The following CCDC88A variants were observed in gnomAD, a reference collection of about 807,000 sequenced individuals.
The protein encoded by CCDC88A is coiled-coil and HOOK domain protein 88A, also known as girdin.
Under a neutral mutation model 234.3 loss-of-function variants are expected in CCDC88A, and 54 were observed. The observed-to-expected ratio is 0.23, with a 90% CI of 0.19 to 0.29. The LOEUF (loss-of-function observed/expected upper bound fraction) is 0.29. CCDC88A is among the 10% of genes least tolerant of loss of function. The pLI, the probability that CCDC88A is intolerant of heterozygous loss-of-function variation, is 1.00. For synonymous variants in CCDC88A, 753 were observed against 737.8 expected (o/e 1.02, Z -0.33); for missense variants, 1,832 against 2,123.4 (o/e 0.86, Z 2.70).
At chr2:55,358,486 T>C (rs1036557386) in intron 7 of CCDC88A, among the ~76,000 whole-genome samples, 3 of 152,178 alleles carry the variant, frequency 2.0e-5, no homozygotes, top group African/African-American at 7.2e-5. Flanking sequence ...ACTGCCCATC[T>C]ATCCTTTTAT....
intron 17 of CCDC88A, among the ~76,000 whole-genome samples, chr2:55,324,860 C>T (rs1160067925): frequency 6.6e-6 from 1 of 152,016 alleles, no homozygotes; most frequent in African/African-American, 2.4e-5. Flanking sequence ...TGGCCAGGCT[C>T]GTCTTGAACT....
At chr2:55,382,942 ATGG>A (rs1674828362) in intron 3 of CCDC88A, among the ~76,000 whole-genome samples, 1 of 152,166 alleles carries the variant, frequency 6.6e-6, no homozygotes, top group Non-Finnish European at 1.5e-5. Flanking sequence ...AAATAGGGAC[ATGG>A]TATGTCCTAT....
At position 55,303,526 on chromosome 2, in the gene CCDC88A, C is replaced by T. The variant is rs184504626; in HGVS notation, c.4388-374G>A. Among the ~76,000 whole-genome samples, 3 of 152,058 alleles carry T rather than the reference C, an allele frequency of 2.0e-5. 1 individual carries two copies. The highest frequency in any genetic ancestry group is 4.8e-5 in the African/African-American group (2 of 41,476). On this transcript the variant is annotated intron_variant, in intron 25 of 32. Transcript: ENST00000436346. ...CCTCCCTAGTAGCTGGAATTACAGG[C>T]ATGTGCCAACATGCCTGGCTAATTT...
Position 55,339,540 on chromosome 2 carries a change from G to T in CCDC88A, c.1442C>A (p.Thr481Asn). ...ATTGCCTTCTACAGAATCCACAGTA[G>T]TCCGAAGCTCTTCTACGGTTTTTGT... ...SLTKTVEELR[T>N]TVDSVEGNAS... is the part of the protein sequence containing the mutation. Residue 481 changes from threonine to asparagine, a missense_variant, in exon 13 of 33, where the codon ACT becomes AAT. Around this residue, in one of 6 missense-constraint regions of CCDC88A, gnomAD observed 1,282 missense variants for 1,543.6 expected, o/e 0.83. Transcript: ENST00000436346. The T allele has an allele frequency of 6.2e-7, 1 of 1,613,630 alleles. No homozygotes were observed. The highest frequency in any genetic ancestry group is 8.5e-7 in the Non-Finnish European group (1 of 1,179,808).
chr2:55,321,601 A>T (rs556809706), intron 18 of CCDC88A, among the ~76,000 whole-genome samples: 1 of 152,176 alleles, frequency 6.6e-6, no homozygotes, highest in Non-Finnish European at 1.5e-5. Flanking sequence ...GATTTATTTA[A>T]GTAAATTATG....
At chr2:55,381,339 C>G (rs1260854941) in intron 3 of CCDC88A, among the ~76,000 whole-genome samples, 1 of 151,956 alleles carries the variant, frequency 6.6e-6, no homozygotes, top group Non-Finnish European at 1.5e-5. Flanking sequence ...ATCGCTTGAG[C>G]TCAGGAGTTT....
At chr2:55,319,565 C>T (rs144471252) in intron 18 of CCDC88A, among the ~76,000 whole-genome samples, 2,483 of 152,150 alleles carry the variant, frequency 0.016, 43 homozygotes, top group South Asian at 0.084. Context: ...ACAGACCTAA[C>T]GCAGATATTT....
Position 55,317,538 on chromosome 2 carries a change from C to T in CCDC88A, c.3602+26G>A. The T allele has an allele frequency of 6.8e-7, 1 of 1,464,310 alleles. No individual in the cohort carries two copies. Among genetic ancestry groups the T allele is most frequent in the Non-Finnish European group, 9.1e-7 (1 of 1,095,726 alleles). 90.7% of individuals were successfully genotyped at this position (1,464,310 alleles called of 1,614,324 possible). ...TTGAAGAAAATTCATTTTAAATTCA[C>T]AGTACAACAAAATATAATAAATTAC... On this transcript the variant is annotated intron_variant, in intron 20 of 32. Transcript: ENST00000436346. The surrounding 1 kb of genome is among the most constrained non-coding windows in gnomAD (Gnocchi z 4.2).
At position 55,376,624 on chromosome 2, in the gene CCDC88A, C is replaced by T. The variant is rs143579447; in HGVS notation, c.274-1741G>A. 6.5e-3 allele frequency among the ~76,000 whole-genome samples: 985 copies of T among 152,192 alleles called. 6 individuals carry two copies. Among genetic ancestry groups the T allele is most frequent in the Non-Finnish European group, 9.3e-3 (634 of 68,008 alleles). ...TTTAAAAAACTATTGCCAAAATATG[C>T]CTGCATTTAAAGAAAAGTACATACT... On this transcript the variant is annotated intron_variant, in intron 3 of 32. Transcript: ENST00000436346.
chr2:55,301,127 T>A (rs1680848383), intron 28 of CCDC88A, 79 bp downstream of exon 28: 7 of 808,512 alleles, frequency 8.7e-6, no homozygotes, highest in Non-Finnish European at 1.0e-5. Flanking sequence ...AATGACGCAT[T>A]CACCTATTAA....
chr2:55,301,223 G>A lies in CCDC88A; in HGVS notation c.4727C>T (p.Thr1576Met), dbSNP rs201398037. Reference sequence around the variant, plus strand: ...TATCTTACCATGAACTCTTGATCCCGTACTAGAATCATCACTAACACCTTG... The same window carrying A: ...TATCTTACCATGAACTCTTGATCCCATACTAGAATCATCACTAACACCTTG... ...SPQGVSDDSSTGSRVHASRPA... is the reference protein window; with the variant it reads ...SPQGVSDDSSMGSRVHASRPA... The change falls in exon 28 of 33, where the codon ACG (threonine) becomes ATG (methionine). Residue 1576 changes from threonine to methionine, a missense_variant. Thr to Met is a moderately conservative substitution (Grantham distance 81). Transcript: ENST00000436346. 9 of 1,591,276 alleles carry A rather than the reference G, an allele frequency of 5.7e-6. No individual in the cohort carries two copies. The highest frequency in any genetic ancestry group is 2.7e-5 in the African/African-American group (2 of 74,152).
intron 13 of CCDC88A, chr2:55,337,396 C>CA (rs1371080127): frequency 6.6e-6 from 1 of 151,940 alleles, no homozygotes; most frequent in Non-Finnish European, 1.5e-5. Flanking sequence ...TTAATATGTA[C>CA]AAAATAGCAA....
intron 16 of CCDC88A, among the ~76,000 whole-genome samples, chr2:55,330,792 T>C (rs2576717): frequency 6.6e-6 from 1 of 151,906 alleles, no homozygotes; most frequent in Non-Finnish European, 1.5e-5. Flanking sequence ...TCACTTCCTA[T>C]CCTGTCTCTG....
chr2:55,403,251 A>G (rs1679014856), intron 2 of CCDC88A: 1 of 152,342 alleles, frequency 6.6e-6, no homozygotes, highest in African/African-American at 2.4e-5. Context: ...TGGTGTTCCA[A>G]AAAACAGAGA....
chr2:55,409,130 T>C (rs1415115028), intron 2 of CCDC88A, among the ~76,000 whole-genome samples: 1 of 152,234 alleles, frequency 6.6e-6, no homozygotes, highest in East Asian at 1.9e-4. Context: ...CAACCCTGCA[T>C]GACAATACTT....
At chr2:55,347,639 C>T (rs13407643) in intron 9 of CCDC88A, among the ~76,000 whole-genome samples, 2,785 of 70,034 alleles carry the variant, frequency 0.04, 124 homozygotes, top group African/African-American at 0.14. Context: ...GACAGAGTCT[C>T]ACTCTGTCAC....
chr2:55,342,489 C>T (rs1358349275), intron 12 of CCDC88A, among the ~76,000 whole-genome samples: 4 of 152,148 alleles, frequency 2.6e-5, no homozygotes, highest in Admixed American at 2.6e-4. Flanking sequence ...TTTGTCCCCA[C>T]TTAACAAGTA....
At chr2:55,409,674 C>T (rs547334457) in intron 2 of CCDC88A, among the ~76,000 whole-genome samples, 11 of 151,726 alleles carry the variant, frequency 7.2e-5, no homozygotes, top group Admixed American at 3.3e-4. Flanking sequence ...CGGCCCTCCT[C>T]GGCCCACATG....
intron 31 of CCDC88A, chr2:55,293,459 C>G (rs963777622): frequency 6.6e-6 from 1 of 150,904 alleles, no homozygotes; most frequent in African/African-American, 2.4e-5. Flanking sequence ...TGACAATCCT[C>G]TGATTGTGTT....
Sources: allele counts gnomAD v4.1 joint callset (sites outside exome capture counted in the v4.1 genomes callset), GRCh38; gene constraint gnomAD v4.1.1; regional missense constraint gnomAD v4.1.1; non-coding constraint Gnocchi (gnomAD v3.1); transcripts MANE v1.5; gene names NCBI Gene and HGNC (gene_info 2026-07-23, HGNC 2026-07-21).